SPSB4: variants seen among roughly 807,000 people sequenced by gnomAD.
SPSB4 encodes SPRY domain-containing SOCS box protein 4.
SPSB4 carries 21 observed loss-of-function variants against 20.9 expected under a neutral mutation model. The observed-to-expected ratio is 1.01, with a 90% CI of 0.71 to 1.45. SPSB4 has a LOEUF of 1.45. Ranked by LOEUF, SPSB4 falls within the 40% of genes most tolerant of loss-of-function variation. The pLI is 0.00. For missense variants in SPSB4, 399 were observed against 399.2 expected (o/e 1.00, Z 0.00); for synonymous variants, 207 against 183.8 (o/e 1.13, Z -1.02).
At position 141,051,527 on chromosome 3, in the gene SPSB4, C is replaced by T. The variant is rs1936087755; in HGVS notation, c.-619C>T. The T allele has an allele frequency of 6.6e-6, 1 of 152,402 alleles. No homozygotes were observed. Among genetic ancestry groups the T allele is most frequent in the Non-Finnish European group, 1.5e-5 (1 of 67,856 alleles). The allele number at this position is 152,402 out of a possible 1,614,324, so 9.4% of individuals were successfully genotyped here. A position where few individuals can be genotyped will look rare whatever the true frequency, so the allele number is the denominator to read the frequency against. On this transcript the variant is annotated 5_prime_UTR_variant, in exon 1 of 3. Transcript: ENST00000310546. Reference sequence around the variant, plus strand: ...GCGATGAACACACCACATCCCGGGCCCGGGCCCCAGCTGCTGCTACCGCTG... The same window carrying T: ...GCGATGAACACACCACATCCCGGGCTCGGGCCCCAGCTGCTGCTACCGCTG...
chr3:141,113,547 CATT>C (rs1177632831), intron 2 of SPSB4, among the ~76,000 whole-genome samples: 3 of 152,182 alleles, frequency 2.0e-5, no homozygotes, highest in Non-Finnish European at 2.9e-5. Context: ...CAAAAGGTCT[CATT>C]ATATGATTCC....
intron 2 of SPSB4, among the ~76,000 whole-genome samples, chr3:141,118,728 C>A (rs1938918759): frequency 1.3e-5 from 2 of 152,160 alleles, no homozygotes; most frequent in Admixed American, 1.3e-4. Flanking sequence ...GTTTTTCCAG[C>A]ACTACTTATT....
intron 2 of SPSB4, among the ~76,000 whole-genome samples, chr3:141,111,657 C>T (rs1353937050): frequency 3.3e-5 from 5 of 152,220 alleles, no homozygotes; most frequent in Non-Finnish European, 5.9e-5. Flanking sequence ...CTGAGTGTTC[C>T]GTCCTAGGAA....
Position 141,147,006 on chromosome 3 carries a change from T to A in SPSB4, c.695-136T>A, listed in dbSNP as rs571253519. ...CCTTCAGCTTATGTAACCAGAGAAA[T>A]CTTCTCCAAGGAGAAGCCATTGACC... On this transcript the variant is annotated intron_variant, in intron 2 of 2. Coordinates refer to ENST00000310546, the MANE Select transcript of SPSB4 (RefSeq NM_080862.3). The A allele has an allele frequency of 3.4e-6, 4 of 1,188,108 alleles. No homozygotes were observed. In the South Asian group the frequency reaches 5.9e-5, roughly 18 times the overall value. The allele number at this position is 1,188,108 out of a possible 1,614,324, so 73.6% of individuals were successfully genotyped here.
intron 2 of SPSB4, among the ~76,000 whole-genome samples, chr3:141,107,967 A>C (rs866449002): frequency 2.6e-5 from 3 of 116,088 alleles, no homozygotes; most frequent in African/African-American, 1.2e-4. Flanking sequence ...AAAAAAAAAT[A>C]AAATAAAAGA....
At chr3:141,095,093 C>T (rs1938524029) in intron 2 of SPSB4, among the ~76,000 whole-genome samples, 1 of 152,070 alleles carries the variant, frequency 6.6e-6, no homozygotes, top group African/African-American at 2.4e-5. Flanking sequence ...TCGTCGGTCC[C>T]TATTTGAGTT....
At chr3:141,131,750 G>A (rs1939134390) in intron 2 of SPSB4, among the ~76,000 whole-genome samples, 1 of 152,182 alleles carries the variant, frequency 6.6e-6, no homozygotes, top group South Asian at 2.1e-4. Context: ...TAGAATTGTT[G>A]CTTTCAGTTT....
At chr3:141,057,509 G>T (rs1359217904) in intron 1 of SPSB4, among the ~76,000 whole-genome samples, 6 of 152,200 alleles carry the variant, frequency 3.9e-5, no homozygotes, top group African/African-American at 1.4e-4. Flanking sequence ...TCGTGCTCGT[G>T]CATTCCATAG....
intron 2 of SPSB4, among the ~76,000 whole-genome samples, chr3:141,107,403 C>T (rs62283593): frequency 0.15 from 23,271 of 152,096 alleles, 2,409 homozygotes; most frequent in African/African-American, 0.29. Context: ...ATAAATAAGA[C>T]GAGAAGAGTC....
chr3:141,079,815 G>T lies in SPSB4; in HGVS notation c.694+13017G>T, dbSNP rs866665519. Among the ~76,000 whole-genome samples, 9 of 152,326 alleles carry T rather than the reference G, an allele frequency of 5.9e-5. No individual in the cohort carries two copies. In the South Asian group the frequency reaches 1.9e-3, roughly 32 times the overall value. On this transcript the variant is annotated intron_variant, in intron 2 of 2. Transcript: ENST00000310546. ...TCCCCTTTGGGGGAGGGGCATTTAA[G>T]TGAGACCTAAATGATGAGGCAGAGG...
chr3:141,058,471 T>C (rs1442246155), intron 1 of SPSB4, among the ~76,000 whole-genome samples: 1 of 152,184 alleles, frequency 6.6e-6, no homozygotes, highest in Non-Finnish European at 1.5e-5. Flanking sequence ...GAGGCATCCT[T>C]TGGCGTTCTT....
intron 2 of SPSB4, among the ~76,000 whole-genome samples, chr3:141,121,742 T>A (rs1353863778): frequency 6.6e-6 from 1 of 152,234 alleles, no homozygotes; most frequent in African/African-American, 2.4e-5. Context: ...AAAGTTCTTG[T>A]GCTGTGGTTT....
intron 2 of SPSB4, among the ~76,000 whole-genome samples, chr3:141,146,231 C>T (rs919535948): frequency 2.0e-5 from 3 of 152,256 alleles, no homozygotes; most frequent in Non-Finnish European, 2.9e-5. Flanking sequence ...TTAACTGGTC[C>T]TATGTCCAGT....
chr3:141,112,159 T>C (rs1938808450), intron 2 of SPSB4, among the ~76,000 whole-genome samples: 1 of 152,216 alleles, frequency 6.6e-6, no homozygotes. Flanking sequence ...CTTAGGCAGG[T>C]GGTGACCCCC....
chr3:141,115,931 A>C (rs540602676), intron 2 of SPSB4, among the ~76,000 whole-genome samples: 26 of 152,296 alleles, frequency 1.7e-4, no homozygotes, highest in African/African-American at 5.5e-4. Context: ...AGTTTTACTT[A>C]ACTTAAGAAA....
intron 2 of SPSB4, among the ~76,000 whole-genome samples, chr3:141,134,018 CTTTTTTTTTTTCTTTTCTTTT>C (rs1939180510): frequency 3.5e-5 from 2 of 56,496 alleles, no homozygotes. Flanking sequence ...AGTATTTTTC[CTTTTTTTTTTTCTTTTCTTTT>C]TTTTTTTTTC....
intron 2 of SPSB4, among the ~76,000 whole-genome samples, chr3:141,136,903 G>A (rs1939238912): frequency 6.6e-6 from 1 of 152,086 alleles, no homozygotes; most frequent in Admixed American, 6.5e-5. Flanking sequence ...TGATGGGGAT[G>A]GCATTGAATC....
chr3:141,132,736 C>A (rs1165007346), intron 2 of SPSB4, among the ~76,000 whole-genome samples: 2 of 151,928 alleles, frequency 1.3e-5, no homozygotes, highest in Non-Finnish European at 2.9e-5. Context: ...AATTTTATAA[C>A]TGTGAATTGT....
intron 1 of SPSB4, among the ~76,000 whole-genome samples, chr3:141,062,110 C>T (rs1937778266): frequency 6.6e-6 from 1 of 152,186 alleles, no homozygotes; most frequent in Admixed American, 6.5e-5. Context: ...CCTTAGGGCC[C>T]TCTTCACTAT....
Sources: allele counts gnomAD v4.1 joint callset (sites outside exome capture counted in the v4.1 genomes callset), GRCh38; gene constraint gnomAD v4.1.1; transcripts MANE v1.5; gene names NCBI Gene and HGNC (gene_info 2026-07-23, HGNC 2026-07-21).